The following SCAF8 variants were observed in gnomAD, a reference collection of about 807,000 sequenced individuals.
SCAF8 encodes the protein SR-related CTD associated factor 8.
Under a neutral mutation model 140.5 loss-of-function variants are expected in SCAF8, and 23 were observed. That is an observed-to-expected ratio of 0.16 (90% confidence interval 0.12 to 0.23). The LOEUF is 0.23. Ranked by LOEUF, SCAF8 falls within the 10% of genes least tolerant of loss-of-function variation. The pLI, the probability that SCAF8 is intolerant of heterozygous loss-of-function variation, is 1.00. For missense variants in SCAF8, 1,397 were observed against 1,555.7 expected (o/e 0.90, Z 1.72); for synonymous variants, 575 against 528.9 (o/e 1.09, Z -1.20).
At chr6:154,796,450 A>G (rs1264550054) in intron 6 of SCAF8, among the ~76,000 whole-genome samples, 1 of 150,810 alleles carries the variant, frequency 6.6e-6, no homozygotes, top group Non-Finnish European at 1.5e-5. Context: ...GTACATTTAA[A>G]TATTCTGTAA....
intron 1 of SCAF8, among the ~76,000 whole-genome samples, chr6:154,744,394 A>G (rs1292321441): frequency 1.3e-5 from 2 of 152,124 alleles, no homozygotes; most frequent in African/African-American, 2.4e-5. Context: ...TTAAAAAGAA[A>G]AAAAAGGAGG....
At chr6:154,809,847 T>A (rs1778037574) in intron 11 of SCAF8, among the ~76,000 whole-genome samples, 168 bp from the exon 12 acceptor site, 1 of 152,230 alleles carries the variant, frequency 6.6e-6, no homozygotes, top group Admixed American at 6.5e-5. Context: ...AGCACACGGA[T>A]TTAAGTAAAA....
intron 10 of SCAF8, 123 bp from the exon 11 acceptor site, chr6:154,808,563 T>C: frequency 1.6e-6 from 1 of 640,324 alleles, no homozygotes; most frequent in Non-Finnish European, 2.7e-6. Context: ...AGCCAAAAGA[T>C]TGGACACCCC....
At chr6:154,798,939 A>G (rs532110928) in intron 6 of SCAF8, among the ~76,000 whole-genome samples, 3 of 151,218 alleles carry the variant, frequency 2.0e-5, no homozygotes, top group Non-Finnish European at 4.4e-5. Flanking sequence ...AGCTGGGACT[A>G]CACCTGTAGC....
At chr6:154,809,709 GTTC>G (rs750169365) in intron 11 of SCAF8, among the ~76,000 whole-genome samples, 9 of 152,124 alleles carry the variant, frequency 5.9e-5, no homozygotes, top group Non-Finnish European at 1.2e-4. Flanking sequence ...TTTCATTCCT[GTTC>G]TTCTGTTTGA....
intron 4 of SCAF8, among the ~76,000 whole-genome samples, chr6:154,789,835 G>A (rs1004859551): frequency 9.2e-5 from 14 of 152,260 alleles, no homozygotes; most frequent in South Asian, 4.1e-4. Flanking sequence ...GTGAGCCACC[G>A]CGCCTGGCCT....
chr6:154,822,676 G>A (rs1295401158), intron 16 of SCAF8, among the ~76,000 whole-genome samples: 1 of 152,114 alleles, frequency 6.6e-6, no homozygotes, highest in Non-Finnish European at 1.5e-5. Flanking sequence ...TTAGGTTCAT[G>A]TTTTTCTGAG....
chr6:154,765,840 T>C (rs1254272536), intron 1 of SCAF8, among the ~76,000 whole-genome samples: 1 of 152,092 alleles, frequency 6.6e-6, no homozygotes, highest in Non-Finnish European at 1.5e-5. Flanking sequence ...TTTAACAAAT[T>C]AGATTTTAGA....
chr6:154,830,048 C>T (rs1335838853), intron 18 of SCAF8, among the ~76,000 whole-genome samples: 1 of 152,202 alleles, frequency 6.6e-6, no homozygotes, highest in Non-Finnish European at 1.5e-5. Context: ...CTAGGGCCAA[C>T]CTCCCAATTT....
rs144979136 is a variant in SCAF8 at position 154,793,510 on chromosome 6, G to A, written c.475+534G>A. Among the ~76,000 whole-genome samples the A allele has an allele frequency of 3.3e-4, 50 of 150,378 alleles. 1 individual carries two copies. The East Asian group carries it at 9.3e-3, about 28-fold the overall frequency. On this transcript the variant is annotated intron_variant, in intron 5 of 19. Transcript: ENST00000367178. ...AAATAATTTTTTCAAAAATTTTTAT[G>A]AAAAAATTTTTATCATAGTTCCAGC...
chr6:154,764,706 T>C (rs565287913), intron 1 of SCAF8, among the ~76,000 whole-genome samples: 1 of 152,234 alleles, frequency 6.6e-6, no homozygotes, highest in East Asian at 1.9e-4. Flanking sequence ...GCCCAAGCCT[T>C]CGCAGCATGT....
chr6:154,770,631 G>C (rs1776732124), intron 1 of SCAF8, among the ~76,000 whole-genome samples: 1 of 152,032 alleles, frequency 6.6e-6, no homozygotes, highest in African/African-American at 2.4e-5. Context: ...AATTCTTGTC[G>C]ACCATTGTCA....
intron 7 of SCAF8, among the ~76,000 whole-genome samples, chr6:154,802,611 T>C (rs1777802694): frequency 6.9e-6 from 1 of 144,894 alleles, no homozygotes; most frequent in Non-Finnish European, 1.5e-5. Flanking sequence ...AGAAAGACTC[T>C]TGACTCAAAA....
At chr6:154,748,320 ATAAT>A (rs1778755910) in intron 1 of SCAF8, among the ~76,000 whole-genome samples, 2 of 152,232 alleles carry the variant, frequency 1.3e-5, no homozygotes, top group South Asian at 4.1e-4. Context: ...GAGAAGGAGA[ATAAT>A]TACTATCCAA....
chr6:154,771,513 A>G (rs1286026253), intron 1 of SCAF8, among the ~76,000 whole-genome samples: 1 of 152,130 alleles, frequency 6.6e-6, no homozygotes, highest in Non-Finnish European at 1.5e-5. Context: ...GTTTTTTTGT[A>G]TTTATCCAAA....
intron 1 of SCAF8, among the ~76,000 whole-genome samples, chr6:154,744,948 ACT>A (rs757757081): frequency 3.3e-5 from 5 of 152,278 alleles, no homozygotes; most frequent in East Asian, 1.9e-4. Flanking sequence ...CCTCTAAATA[ACT>A]CTGTGTATTT....
At position 154,832,754 on chromosome 6, in the gene SCAF8, C is replaced by T; in HGVS notation, c.3175C>T (p.His1059Tyr). Residue 1059 changes from histidine (H) to tyrosine (Y), a missense_variant, in exon 20 of 20, where the codon CAT becomes TAT. Coordinates refer to ENST00000367178, the MANE Select transcript of SCAF8 (RefSeq NM_014892.5). ...PGRPPLDGRDHFGRPPVDIRE... is the reference protein window; with the variant it reads ...PGRPPLDGRDYFGRPPVDIRE... ...ACGGCCTCCACTAGATGGTAGGGAT[C>T]ATTTTGGAAGACCTCCTGTAGATAT... The T allele has an allele frequency of 6.2e-7, 1 of 1,613,880 alleles. No homozygotes were observed. Among genetic ancestry groups the T allele is most frequent in the South Asian group, 1.1e-5 (1 of 91,070 alleles).
intron 1 of SCAF8, among the ~76,000 whole-genome samples, chr6:154,768,899 C>A (rs1212093855): frequency 6.6e-6 from 1 of 152,002 alleles, no homozygotes; most frequent in Non-Finnish European, 1.5e-5. Context: ...CCTGTCTCTA[C>A]TAAAAATACA....
rs530686337 is a variant in SCAF8 at position 154,808,969 on chromosome 6, A to C, written c.1226+171A>C. On this transcript the variant is annotated intron_variant, in intron 11 of 19. Transcript: ENST00000367178. ...TAACCTTTGTTCTGTTTTAATTGGT[A>C]TATCTGTGGCTATTTATTTCAGTAA... 1.2e-4 allele frequency among the ~76,000 whole-genome samples: 19 copies of C among 152,292 alleles called. No individual in the cohort carries two copies. In the South Asian group the frequency reaches 3.9e-3, roughly 32 times the overall value.
Sources: allele counts gnomAD v4.1 joint callset (sites outside exome capture counted in the v4.1 genomes callset), GRCh38; gene constraint gnomAD v4.1.1; transcripts MANE v1.5; gene names NCBI Gene and HGNC (gene_info 2026-07-23, HGNC 2026-07-21).